Variants in TMEM117 observed in about 807,000 individuals in gnomAD.
TMEM117 encodes transmembrane protein 117.
A neutral mutation model predicts 52.4 loss-of-function variants in TMEM117; 27 were observed. The ratio of observed to expected loss-of-function variants is 0.51; its 90% CI spans 0.38 to 0.71. The LOEUF (loss-of-function observed/expected upper bound fraction) is 0.71. Among genes scored for constraint, TMEM117 ranks in the 30% least tolerant of loss-of-function variants. The probability of loss-of-function intolerance (pLI) is 0.00; values close to 1 mark genes in which losing one functional copy is unlikely to be tolerated. For synonymous variants in TMEM117, 215 were observed against 206.3 expected (o/e 1.04, Z -0.36); for missense variants, 556 against 630.5 (o/e 0.88, Z 1.26).
chr12:44,077,714 GA>G (rs1225495939), intron 3 of TMEM117, among the ~76,000 whole-genome samples: 1 of 152,082 alleles, frequency 6.6e-6, no homozygotes, highest in Non-Finnish European at 1.5e-5. Context: ...GAAATGTTAA[GA>G]TAATTTCACC....
At chr12:44,216,743 A>G (rs886224260) in intron 5 of TMEM117, among the ~76,000 whole-genome samples, 1 of 152,128 alleles carries the variant, frequency 6.6e-6, no homozygotes, top group African/African-American at 2.4e-5. Flanking sequence ...GGAAAGCAAA[A>G]TGTTCATAGT....
intron 6 of TMEM117, among the ~76,000 whole-genome samples, chr12:44,305,300 A>G (rs2138655820): frequency 6.6e-6 from 1 of 152,346 alleles, no homozygotes; most frequent in African/African-American, 2.4e-5. Context: ...ACAAAAATTG[A>G]CAAGTGAGAC....
intron 5 of TMEM117, among the ~76,000 whole-genome samples, chr12:44,254,337 A>C (rs1950232382): frequency 6.6e-6 from 1 of 152,068 alleles, no homozygotes; most frequent in Non-Finnish European, 1.5e-5. Flanking sequence ...GAAGAACACT[A>C]TGAAGTAGAC....
intron 5 of TMEM117, among the ~76,000 whole-genome samples, chr12:44,232,054 T>C (rs1949940331): frequency 6.6e-6 from 1 of 151,716 alleles, no homozygotes. Context: ...TTAACCTATA[T>C]AAAGCAGTAA....
the TMEM117 span, among the ~76,000 whole-genome samples, chr12:43,810,503 T>G: frequency 2.0e-5 from 3 of 152,168 alleles, no homozygotes; most frequent in East Asian, 5.8e-4. Context: ...ACTTTCCATA[T>G]TAGATAAATT....
At chr12:43,839,726 G>T (rs1943088306) in intron 1 of TMEM117, among the ~76,000 whole-genome samples, 1 of 152,194 alleles carries the variant, frequency 6.6e-6, no homozygotes, top group Admixed American at 6.5e-5. Context: ...ACAGGACTTT[G>T]TCTGGTAGTT....
intron 3 of TMEM117, among the ~76,000 whole-genome samples, chr12:43,958,052 T>G (rs951735286): frequency 6.6e-6 from 1 of 152,226 alleles, no homozygotes; most frequent in African/African-American, 2.4e-5. Context: ...TCTCCTGCTG[T>G]GTTGTTAATG....
intron 6 of TMEM117, among the ~76,000 whole-genome samples, chr12:44,313,821 C>A (rs1389076538): frequency 6.6e-6 from 1 of 151,766 alleles, no homozygotes; most frequent in Admixed American, 6.6e-5. Flanking sequence ...TATTTTATAT[C>A]CTTAGTTGGT....
intron 3 of TMEM117, among the ~76,000 whole-genome samples, chr12:44,130,680 C>T (rs1293247245): frequency 6.6e-6 from 1 of 151,962 alleles, no homozygotes; most frequent in African/African-American, 2.4e-5. Context: ...GGGAAAGTTT[C>T]TAAATATAGA....
intron 5 of TMEM117, among the ~76,000 whole-genome samples, chr12:44,238,533 G>A (rs533825712): frequency 1.3e-5 from 2 of 152,122 alleles, no homozygotes; most frequent in East Asian, 3.9e-4. Context: ...AGGGTGAGGC[G>A]TGAGGCAGGA....
At chr12:44,121,036 A>G (rs1948225604) in intron 3 of TMEM117, among the ~76,000 whole-genome samples, 1 of 152,222 alleles carries the variant, frequency 6.6e-6, no homozygotes, top group African/African-American at 2.4e-5. Flanking sequence ...GGAAGGTGAG[A>G]GGCACGTGTT....
At chr12:44,075,800 A>G (rs929931739) in intron 3 of TMEM117, among the ~76,000 whole-genome samples, 3 of 152,170 alleles carry the variant, frequency 2.0e-5, no homozygotes, top group African/African-American at 7.2e-5. Context: ...GAGAATATCT[A>G]GGAGACATTA....
chr12:43,972,136 C>T (rs1274051867), intron 3 of TMEM117, among the ~76,000 whole-genome samples: 2 of 152,210 alleles, frequency 1.3e-5, no homozygotes, highest in Non-Finnish European at 2.9e-5. Flanking sequence ...AATTAAGGGT[C>T]CCATTTTATA....
At chr12:43,838,580 G>A (rs947025370) in intron 1 of TMEM117, among the ~76,000 whole-genome samples, 1 of 123,974 alleles carries the variant, frequency 8.1e-6, no homozygotes, top group Non-Finnish European at 1.6e-5. Flanking sequence ...GGTCTGTTAC[G>A]TGTTATCCAT....
At chr12:43,864,130 G>A (rs970478127) in intron 2 of TMEM117, among the ~76,000 whole-genome samples, 2 of 152,174 alleles carry the variant, frequency 1.3e-5, no homozygotes, top group African/African-American at 4.8e-5. Context: ...TGCCTCCCTG[G>A]GGGGCAGGGC....
At chr12:44,350,818 A>G (rs560733629) in intron 6 of TMEM117, among the ~76,000 whole-genome samples, 36 of 152,168 alleles carry the variant, frequency 2.4e-4, no homozygotes, top group African/African-American at 6.0e-4. Context: ...CAGTGCTGCA[A>G]CAAACATGAG....
At chr12:44,075,294 C>T (rs1947364398) in intron 3 of TMEM117, among the ~76,000 whole-genome samples, 1 of 152,208 alleles carries the variant, frequency 6.6e-6, no homozygotes, top group African/African-American at 2.4e-5. Flanking sequence ...GTGTTCAAAT[C>T]CTGATTCAGG....
intron 2 of TMEM117, among the ~76,000 whole-genome samples, chr12:43,868,905 A>G (rs540611760): frequency 5.9e-4 from 89 of 152,108 alleles, no homozygotes; most frequent in African/African-American, 2.0e-3. Flanking sequence ...TAATAAATCC[A>G]CATGTTGATT....
chr12:44,391,755 A>G (rs1274753979), downstream of TMEM117, among the ~76,000 whole-genome samples: 1 of 152,146 alleles, frequency 6.6e-6, no homozygotes, highest in Non-Finnish European at 1.5e-5. Flanking sequence ...ACATTCAGCT[A>G]AGACCTCAGT....
Sources: gnomAD v4.1 joint callset for allele counts (sites outside exome capture counted in the v4.1 genomes callset) on GRCh38, gnomAD v4.1.1 for gene constraint, MANE v1.5 for transcripts, NCBI Gene and HGNC (gene_info 2026-07-23, HGNC 2026-07-21) for gene names.